Variants in CHRM1 observed in about 807,000 individuals in gnomAD.
The protein encoded by CHRM1 is muscarinic acetylcholine receptor M1.
CHRM1 carries 5 observed loss-of-function variants against 31.6 expected under a neutral mutation model. The ratio of observed to expected loss-of-function variants is 0.16; its 90% CI spans 0.08 to 0.33. The LOEUF is 0.33. Among genes scored for constraint, CHRM1 ranks in the 10% least tolerant of loss-of-function variants. The pLI is 1.00. For synonymous variants in CHRM1, 227 were observed against 249.7 expected (o/e 0.91, Z 0.86); for missense variants, 338 against 610.3 (o/e 0.55, Z 4.70).
chr11:62,917,269 G>T (rs1224361705), intron 1 of CHRM1, among the ~76,000 whole-genome samples: 3 of 152,216 alleles, frequency 2.0e-5, no homozygotes. Context: ...AGGGTATGGG[G>T]TTCAGTGGTA....
At chr11:62,914,772 A>C (rs1417250776) in intron 1 of CHRM1, among the ~76,000 whole-genome samples, 2 of 152,190 alleles carry the variant, frequency 1.3e-5, no homozygotes, top group Non-Finnish European at 2.9e-5. Flanking sequence ...CCCTTGGCAA[A>C]GACCTGCAAA....
intron 1 of CHRM1, among the ~76,000 whole-genome samples, chr11:62,919,242 G>A (rs2085917770): frequency 1.3e-5 from 2 of 152,168 alleles, no homozygotes. Context: ...CCTGATGTCT[G>A]GCTTTGAGAA....
At chr11:62,914,940 T>A (rs960594127) in intron 1 of CHRM1, among the ~76,000 whole-genome samples, 4 of 152,248 alleles carry the variant, frequency 2.6e-5, no homozygotes, top group African/African-American at 4.8e-5. Context: ...TCTGGGAGGT[T>A]GAGGCAGACG....
In CHRM1 at chr11:62,910,372, C is replaced by A. The variant is rs1347825151; in HGVS notation, c.729G>T (p.Arg243Ser). ...KGGGSSSSSE[R>S]SQPGAEGSPE... ...GTGAGCCCTCAGCCCCTGGCTGAGA[C>A]CTCTCTGAGCTGCTGCTGCTGCCAC... Residue 243 changes from arginine to serine, a missense_variant, in exon 2 of 2, where the codon AGG becomes AGT. Around this residue, in one of 4 missense-constraint regions of CHRM1, gnomAD observed 183 missense variants for 223.4 expected, o/e 0.82. Coordinates refer to ENST00000306960, the MANE Select transcript of CHRM1 (RefSeq NM_000738.3). This position sits in a 1 kb window ranked among gnomAD's most constrained non-coding sequence, Gnocchi z 8.7. 2 of 1,610,228 alleles carry A rather than the reference C, an allele frequency of 1.2e-6. No individual in the cohort carries two copies. The highest frequency in any genetic ancestry group is 1.7e-6 in the Non-Finnish European group (2 of 1,179,982).
intron 1 of CHRM1, among the ~76,000 whole-genome samples, chr11:62,916,268 A>G (rs1044917076): frequency 4.0e-4 from 61 of 152,264 alleles, no homozygotes; most frequent in African/African-American, 1.4e-3. Context: ...AGATTTTACT[A>G]AGTCCGGAAG....
intron 1 of CHRM1, 31 bp from the exon 2 acceptor site, chr11:62,911,209 G>A: frequency 9.6e-7 from 1 of 1,046,304 alleles, no homozygotes; most frequent in South Asian, 1.6e-5. Context: ...CTTTGGTTGG[G>A]CCACTGGACA....
intron 1 of CHRM1, among the ~76,000 whole-genome samples, chr11:62,914,979 A>G (rs1490892301): frequency 6.6e-6 from 1 of 152,118 alleles, no homozygotes; most frequent in African/African-American, 2.4e-5. Flanking sequence ...GTTCAAGACC[A>G]GCCTCAGCAA....
intron 1 of CHRM1, among the ~76,000 whole-genome samples, chr11:62,915,746 C>T (rs982555780): frequency 5.3e-5 from 8 of 152,072 alleles, no homozygotes; most frequent in Non-Finnish European, 1.0e-4. Context: ...AGGATGATAC[C>T]GTTCAGAGTG....
In CHRM1 at chr11:62,910,443, G is replaced by A. The variant is rs200836826; in HGVS notation, c.658C>T (p.Arg220Trp). 12 of 1,613,742 alleles carry A rather than the reference G, an allele frequency of 7.4e-6. No homozygotes were observed. Among genetic ancestry groups the A allele is most frequent in the Non-Finnish European group, 1.0e-5 (12 of 1,180,028 alleles). The change falls in exon 2 of 2, where the codon CGG becomes TGG. Residue 220 changes from arginine to tryptophan, a missense_variant. By Grantham distance (101) the Arg-to-Trp change is moderately radical. Transcript: ENST00000306960. The surrounding 1 kb of genome is among the most constrained non-coding windows in gnomAD (Gnocchi z 8.7). Reference sequence around the variant, plus strand: ...GAGCCCTGAAGGGCTGCCAGCTCCCGTGCTCGGTTCTCTGTCTCCCGGTAG... The same window carrying A: ...GAGCCCTGAAGGGCTGCCAGCTCCCATGCTCGGTTCTCTGTCTCCCGGTAG... ...RIYRETENRA[R>W]ELAALQGSET...
intron 1 of CHRM1, among the ~76,000 whole-genome samples, chr11:62,919,803 G>A (rs2085921936): frequency 6.6e-6 from 1 of 152,156 alleles, no homozygotes; most frequent in South Asian, 2.1e-4. Flanking sequence ...TGCGGAGAAG[G>A]GGTCCGAGCC....
rs1223415935 is a variant in CHRM1 at position 62,909,921 on chromosome 11, A to G, written c.1180T>C (p.Cys394Arg). Residue 394 changes from cysteine (C) to arginine (R), a missense_variant, in exon 2 of 2, where the codon TGT becomes CGT. Cys to Arg is a radical substitution (Grantham distance 180). This residue lies in a region of CHRM1 where 68 missense variants were observed against 108.5 expected (regional missense o/e 0.63). Coordinates refer to ENST00000306960, the MANE Select transcript of CHRM1 (RefSeq NM_000738.3). ...AGCTCCCACAGGGTCTCGGGAACAC[A>G]GTCCTTGCAGAAGGTGGACACCAGC... The part of the protein sequence containing the change: ...MVLVSTFCKD[C>R]VPETLWELGY... 1.2e-6 allele frequency: 2 copies of G among 1,614,084 alleles called. No homozygotes were observed. Among genetic ancestry groups the G allele is most frequent in the African/African-American group, 2.7e-5 (2 of 74,930 alleles).
intron 1 of CHRM1, among the ~76,000 whole-genome samples, chr11:62,920,964 TCTC>T (rs1156661957): frequency 1.3e-5 from 2 of 151,880 alleles, no homozygotes; most frequent in Non-Finnish European, 2.9e-5. Flanking sequence ...GGGATCTCCA[TCTC>T]CTCTGCCAGC....
Position 62,909,704 on chromosome 11 carries a change from A to G in CHRM1, c.*14T>C. 1 of 1,611,784 alleles carries G rather than the reference A, an allele frequency of 6.2e-7. No individual in the cohort carries two copies. ...CCCGGGGACTGGGGTGGAGGGATGC[A>G]GGAGAGGGGACTATCAGCATTGGCG... On this transcript the variant is annotated 3_prime_UTR_variant, in exon 2 of 2. Transcript: ENST00000306960.
rs1205046910 is a variant in CHRM1, at chr11:62,909,391, C to T, written c.*327G>A. 2.6e-5 allele frequency: 9 copies of T among 344,118 alleles called. No individual in the cohort carries two copies. The highest frequency in any genetic ancestry group is 6.3e-5 in the African/African-American group (3 of 47,980). 21.3% of individuals were successfully genotyped at this position (344,118 alleles called of 1,614,324 possible). A position where few individuals can be genotyped will look rare whatever the true frequency, so the allele number is the denominator to read the frequency against. ...ATGTTAAGCCTTCTTTCTCCTGGCC[C>T]GCCCTGCTGGCTCCTGACTTCCTGC... On this transcript the variant is annotated 3_prime_UTR_variant, in exon 2 of 2. Coordinates refer to ENST00000306960, the MANE Select transcript of CHRM1 (RefSeq NM_000738.3).
intron 1 of CHRM1, among the ~76,000 whole-genome samples, chr11:62,914,943 G>A (rs1176826756): frequency 1.3e-5 from 2 of 152,218 alleles, no homozygotes; most frequent in African/African-American, 4.8e-5. Flanking sequence ...GGGAGGTTGA[G>A]GCAGACGGAT....
intron 1 of CHRM1, among the ~76,000 whole-genome samples, chr11:62,912,284 T>A (rs2085875279): frequency 1.3e-5 from 2 of 150,612 alleles, no homozygotes; most frequent in South Asian, 4.2e-4. Context: ...AGGAGAATCG[T>A]TTGAACCTGG....
At chr11:62,912,224 C>T (rs986327539) in intron 1 of CHRM1, among the ~76,000 whole-genome samples, 6 of 151,962 alleles carry the variant, frequency 3.9e-5, no homozygotes, top group South Asian at 2.1e-4. Context: ...AAAAATTAGC[C>T]GGGCGTGGTG....
At chr11:62,915,981 T>C (rs1432732713) in intron 1 of CHRM1, among the ~76,000 whole-genome samples, 2 of 152,144 alleles carry the variant, frequency 1.3e-5, no homozygotes, top group Admixed American at 1.3e-4. Context: ...AGCTAATTTT[T>C]GTATTTTTAG....
At position 62,910,498 on chromosome 11, in the gene CHRM1, G is replaced by C; in HGVS notation, c.603C>G (p.Val201=). The change falls in exon 2 of 2, where the codon GTC becomes GTG. Residue 201 remains valine (V), a synonymous_variant. Transcript: ENST00000306960. The surrounding 1 kb of genome is among the most constrained non-coding windows in gnomAD (Gnocchi z 8.7). ...GTAMAAFYLP[V]TVMCTLYWRI... is the part of the protein sequence containing the mutation. ...GCCAGTAGAGCGTGCACATGACTGTGACAGGGAGGTAGAAGGCAGCCATGG... is the reference window on the plus strand; with the variant it reads ...GCCAGTAGAGCGTGCACATGACTGTCACAGGGAGGTAGAAGGCAGCCATGG... 1 of 1,614,208 alleles carries C rather than the reference G, an allele frequency of 6.2e-7. No individual in the cohort carries two copies. The highest frequency in any genetic ancestry group is 8.5e-7 in the Non-Finnish European group (1 of 1,180,048).
Sources: allele counts gnomAD v4.1 joint callset (sites outside exome capture counted in the v4.1 genomes callset), GRCh38; gene constraint gnomAD v4.1.1; regional missense constraint gnomAD v4.1.1; non-coding constraint Gnocchi (gnomAD v3.1); transcripts MANE v1.5; gene names NCBI Gene and HGNC (gene_info 2026-07-23, HGNC 2026-07-21).